DAB1: variants seen among roughly 807,000 people sequenced by gnomAD.
The protein encoded by DAB1 is DAB adaptor protein 1, also known as disabled homolog 1.
Under a neutral mutation model 64.6 loss-of-function variants are expected in DAB1, and 15 were observed. The ratio of observed to expected loss-of-function variants is 0.23; its 90% CI spans 0.16 to 0.36. DAB1 has a LOEUF of 0.36. Among genes scored for constraint, DAB1 ranks in the 10% least tolerant of loss-of-function variants. The pLI is 1.00. For synonymous variants in DAB1, 235 were observed against 251.9 expected, an observed-to-expected ratio of 0.93 and a Z score of 0.64; for missense variants, 596 against 706.7, an observed-to-expected ratio of 0.84 and a Z score of 1.78.
intron 5 of DAB1, among the ~76,000 whole-genome samples, chr1:57,964,759 T>C (rs561050915): frequency 1.3e-5 from 2 of 152,194 alleles, no homozygotes; most frequent in East Asian, 3.9e-4. Context: ...TCCTAGGCTA[T>C]AACATAGAGC....
At chr1:57,220,806 A>G (rs1028422760) in intron 2 of DAB1, among the ~76,000 whole-genome samples, 10 of 152,246 alleles carry the variant, frequency 6.6e-5, no homozygotes, top group African/African-American at 2.4e-4. Context: ...GTGGGACTGT[A>G]AACTGGTTCA....
At chr1:57,514,909 T>C (rs183709500) in intron 7 of DAB1, among the ~76,000 whole-genome samples, 47 of 152,350 alleles carry the variant, frequency 3.1e-4, no homozygotes, top group African/African-American at 1.1e-3. Context: ...TGAGTAATTA[T>C]GTACAAGGTA....
At chr1:58,300,610 A>AAGAAAGAAAGAGAG (rs1271283598) in intron 4 of DAB1, among the ~76,000 whole-genome samples, 2 of 47,008 alleles carry the variant, frequency 4.3e-5, no homozygotes, top group Non-Finnish European at 9.5e-5. Context: ...GAAAGAAAGA[A>AAGAAAGAAAGAGAG]AGAGAGAGAG....
chr1:57,721,258 A>G (rs1014225543), intron 6 of DAB1, among the ~76,000 whole-genome samples: 4 of 152,148 alleles, frequency 2.6e-5, no homozygotes, highest in African/African-American at 9.7e-5. Flanking sequence ...ATCACACCCT[A>G]CCAGTGATAC....
intron 7 of DAB1, among the ~76,000 whole-genome samples, chr1:57,600,881 G>C (rs533713772): frequency 9.8e-4 from 149 of 152,096 alleles, no homozygotes; most frequent in Non-Finnish European, 1.7e-3. Flanking sequence ...GGTGAACAGG[G>C]GGAAAAAAGT....
At chr1:58,268,149 A>C (rs1661218756) in intron 4 of DAB1, among the ~76,000 whole-genome samples, 1 of 152,152 alleles carries the variant, frequency 6.6e-6, no homozygotes, top group African/African-American at 2.4e-5. Context: ...CTCACCTATA[A>C]ATTTGGTGAT....
Position 57,032,202 on chromosome 1 carries a change from A to C in DAB1, c.724-6159T>G, listed in dbSNP as rs1308636119. ...TGGCTGACCCCGAAAACACCTTCTC[A>C]CAGACCCATTCCCTATGTTTTGGCA... On this transcript the variant is annotated intron_variant, in intron 9 of 14. Transcript: ENST00000371236. Among the ~76,000 whole-genome samples the C allele has an allele frequency of 4.6e-5, 7 of 152,120 alleles. No homozygotes were observed. In the South Asian group the frequency reaches 1.5e-3, roughly 32 times the overall value.
intron 5 of DAB1, among the ~76,000 whole-genome samples, chr1:58,047,702 G>T (rs1647330947): frequency 6.6e-6 from 1 of 152,132 alleles, no homozygotes; most frequent in African/African-American, 2.4e-5. Context: ...TTCCATACAT[G>T]TGAGAAATAT....
chr1:58,490,980 T>C (rs1461236032), intron 3 of DAB1, among the ~76,000 whole-genome samples: 2 of 151,698 alleles, frequency 1.3e-5, no homozygotes, highest in Admixed American at 6.6e-5. Context: ...TAAATTTTTT[T>C]GTATTTTTAG....
At position 57,224,419 on chromosome 1, in the gene DAB1, C is replaced by T. The variant is rs1187902260; in HGVS notation, c.67+66545G>A. On this transcript the variant is annotated intron_variant, in intron 2 of 14. Transcript: ENST00000371236. ...CCCTCTGTCTAGAGAATAGGATCAG[C>T]CTATCTCTCATCCCACTTTTAGCAT... Among the ~76,000 whole-genome samples, 4 of 152,174 alleles carry T rather than the reference C, an allele frequency of 2.6e-5. No individual in the cohort carries two copies. The East Asian group carries it at 7.7e-4, about 29-fold the overall frequency.
intron 7 of DAB1, among the ~76,000 whole-genome samples, chr1:57,429,156 C>T (rs1685406686): frequency 6.6e-6 from 1 of 152,106 alleles, no homozygotes; most frequent in Non-Finnish European, 1.5e-5. Flanking sequence ...TTCATGCGAT[C>T]CTCCTGCCTC....
At chr1:57,783,520 A>AT (rs922188335) in intron 6 of DAB1, among the ~76,000 whole-genome samples, 1 of 152,064 alleles carries the variant, frequency 6.6e-6, no homozygotes, top group Non-Finnish European at 1.5e-5. Flanking sequence ...TAGGTATTTT[A>AT]TTTTTAAAAT....
chr1:57,417,241 T>G (rs1413065568), intron 1 of DAB1, among the ~76,000 whole-genome samples: 1 of 152,118 alleles, frequency 6.6e-6, no homozygotes, highest in African/African-American at 2.4e-5. Context: ...ACTTTTTGTG[T>G]GTCTTAACCC....
intron 1 of DAB1, among the ~76,000 whole-genome samples, chr1:57,316,186 A>G (rs776613956): frequency 1.3e-5 from 2 of 152,234 alleles, no homozygotes; most frequent in Non-Finnish European, 2.9e-5. Context: ...CAAACAGAAC[A>G]GGAGAGAGAA....
At chr1:57,286,189 T>C (rs1241004615) in intron 2 of DAB1, among the ~76,000 whole-genome samples, 1 of 152,206 alleles carries the variant, frequency 6.6e-6, no homozygotes, top group Non-Finnish European at 1.5e-5. Flanking sequence ...TTTGAAACCG[T>C]CTGGCTTGCT....
intron 3 of DAB1, among the ~76,000 whole-genome samples, chr1:58,367,699 T>C (rs1195120699): frequency 1.3e-5 from 2 of 152,104 alleles, no homozygotes; most frequent in Admixed American, 6.5e-5. Flanking sequence ...AGTACTACTA[T>C]CAAAGGGACC....
chr1:58,155,748 A>C (rs1655187797), intron 4 of DAB1, among the ~76,000 whole-genome samples: 1 of 152,234 alleles, frequency 6.6e-6, no homozygotes, highest in Non-Finnish European at 1.5e-5. Flanking sequence ...AGTAGCCAGG[A>C]GTGCGTGAAG....
chr1:57,333,495 T>C (rs920264825), intron 1 of DAB1, among the ~76,000 whole-genome samples: 2 of 152,240 alleles, frequency 1.3e-5, no homozygotes, highest in African/African-American at 4.8e-5. Context: ...GCTTGTTCCT[T>C]CCTATTCTTA....
intron 7 of DAB1, among the ~76,000 whole-genome samples, chr1:57,489,740 A>T (rs568223502): frequency 6.6e-6 from 1 of 152,228 alleles, no homozygotes. Context: ...ATTAAATACT[A>T]TAATGATACA....
Sources: allele counts gnomAD v4.1 joint callset (sites outside exome capture counted in the v4.1 genomes callset), GRCh38; gene constraint gnomAD v4.1.1; transcripts MANE v1.5; gene names NCBI Gene and HGNC (gene_info 2026-07-23, HGNC 2026-07-21).